The following ZBTB34 variants were observed in gnomAD, a reference collection of about 807,000 sequenced individuals.
ZBTB34 encodes the protein zinc finger and BTB domain-containing protein 34.
ZBTB34 carries 1 observed loss-of-function variant against 33.4 expected under a neutral mutation model. The ratio of observed to expected loss-of-function variants is 0.03; its 90% CI spans 0.01 to 0.14. ZBTB34 has a LOEUF of 0.14. ZBTB34 is among the 10% of genes least tolerant of loss of function. The pLI, the probability that ZBTB34 is intolerant of heterozygous loss-of-function variation, is 1.00. For synonymous variants in ZBTB34, 283 were observed against 253.5 expected (o/e 1.12, Z -1.11); for missense variants, 406 against 657.2 (o/e 0.62, Z 4.18).
exon 2 of ZBTB34, chr9:126,884,054 T>C (rs41274422): frequency 0.056 from 9,308 of 167,206 alleles, 379 homozygotes; most frequent in South Asian, 0.14. Context: ...AGGTGTTTCA[T>C]TTATAACAGA....
At chr9:126,874,814 A>C (rs1402341654) in intron 1 of ZBTB34, among the ~76,000 whole-genome samples, 1 of 151,992 alleles carries the variant, frequency 6.6e-6, no homozygotes, top group Non-Finnish European at 1.5e-5. Context: ...ACTAACCTTT[A>C]CTTGTCCTTT....
At chr9:126,872,212 A>G (rs897425264) in intron 1 of ZBTB34, among the ~76,000 whole-genome samples, 1 of 151,854 alleles carries the variant, frequency 6.6e-6, no homozygotes, top group Non-Finnish European at 1.5e-5. Context: ...CGGCCTCCCA[A>G]AGTGCTGGGA....
At position 126,879,675 on chromosome 9, in the gene ZBTB34, C is replaced by T. The variant is rs769868441; in HGVS notation, c.276C>T (p.Tyr92=). ...TTGAGCAGTTGCTTTCTTTTTGTTA[C>T]ACTGGAAGAATGTCCTTGCAGCTGA... Residue 92 remains tyrosine, a synonymous_variant, in exon 2 of 2, where the codon TAC becomes TAT. Coordinates refer to ENST00000319119, the Ensembl canonical transcript of ZBTB34. The surrounding 1 kb of genome is among the most constrained non-coding windows in gnomAD (Gnocchi z 6.4). 1 of 1,613,630 alleles carries T rather than the reference C, an allele frequency of 6.2e-7. No homozygotes were observed. The highest frequency in any genetic ancestry group is 2.2e-5 in the East Asian group (1 of 44,880).
At position 126,879,937 on chromosome 9, in the gene ZBTB34, G is replaced by T. The variant is rs756074975; in HGVS notation, c.538G>T (p.Ala180Ser). 1.9e-6 allele frequency: 3 copies of T among 1,613,174 alleles called. No individual in the cohort carries two copies. Among genetic ancestry groups the T allele is most frequent in the Non-Finnish European group, 2.5e-6 (3 of 1,179,878 alleles). The change falls in exon 2 of 2, where the codon GCA becomes TCA. Residue 180 changes from alanine to serine, a missense_variant. By Grantham distance (99) the Ala-to-Ser change is moderately conservative (BLOSUM62 1). This residue lies in a region of ZBTB34 where 137 missense variants were observed against 173.0 expected (regional missense o/e 0.79). Transcript: ENST00000319119. This position sits in a 1 kb window ranked among gnomAD's most constrained non-coding sequence, Gnocchi z 6.4. ...TTGCTCTCAGGGACGGCAGCCCACC[G>T]CAAGCAGTGACCTCCGGATGGAGAC...
In ZBTB34 at chr9:126,880,478, C is replaced by T. The variant is rs759890690; in HGVS notation, c.1079C>T (p.Pro360Leu). The stretch of plus-strand genomic sequence containing the variant: ...AACAACCCCGGGTATGAGAGCAGTC[C>T]CCGGGAGAGGAGTGCGAGAGGGCAT... The change falls in exon 2 of 2, where the codon CCC becomes CTC. Residue 360 changes from proline (P) to leucine (L), a missense_variant. By Grantham distance (98) the Pro-to-Leu change is moderately conservative. Coordinates refer to ENST00000319119, the Ensembl canonical transcript of ZBTB34. This position sits in a 1 kb window ranked among gnomAD's most constrained non-coding sequence, Gnocchi z 6.7. 6 of 1,613,732 alleles carry T rather than the reference C, an allele frequency of 3.7e-6. No homozygotes were observed. Among genetic ancestry groups the T allele is most frequent in the South Asian group, 1.1e-5 (1 of 91,070 alleles).
intron 1 of ZBTB34, among the ~76,000 whole-genome samples, chr9:126,866,301 C>T (rs996147528): frequency 7.9e-5 from 12 of 152,146 alleles, no homozygotes; most frequent in South Asian, 2.1e-4. Context: ...ACGTGGCCTC[C>T]GAGTAGACAC....
At chr9:126,871,896 C>T (rs2033284609) in intron 1 of ZBTB34, among the ~76,000 whole-genome samples, 1 of 151,884 alleles carries the variant, frequency 6.6e-6, no homozygotes, top group African/African-American at 2.4e-5. Flanking sequence ...TGGGAGGATC[C>T]CTTGAGGCCA....
chr9:126,868,822 G>A (rs2033241701), intron 1 of ZBTB34, among the ~76,000 whole-genome samples: 1 of 152,172 alleles, frequency 6.6e-6, no homozygotes, highest in African/African-American at 2.4e-5. Context: ...TTGAGCCCTA[G>A]ATCTGTGGTT....
At chr9:126,872,057 G>A (rs1221134868) in intron 1 of ZBTB34, among the ~76,000 whole-genome samples, 2 of 151,606 alleles carry the variant, frequency 1.3e-5, no homozygotes, top group Admixed American at 6.6e-5. Context: ...GGGTTCAAGC[G>A]ATACTCAGCC....
intron 1 of ZBTB34, among the ~76,000 whole-genome samples, chr9:126,866,996 C>G (rs1019945508): frequency 1.3e-5 from 2 of 152,096 alleles, no homozygotes; most frequent in Non-Finnish European, 2.9e-5. Flanking sequence ...TAGTCTACAT[C>G]TTGCTGTTTT....
intron 1 of ZBTB34, among the ~76,000 whole-genome samples, chr9:126,861,104 C>T (rs1296899437): frequency 2.0e-5 from 3 of 152,120 alleles, no homozygotes; most frequent in African/African-American, 7.2e-5. Context: ...GGGCCCCTAG[C>T]CCTGGGGGCG....
At chr9:126,884,275 A>C (rs1213457627) in exon 2 of ZBTB34, 1 of 167,024 alleles carries the variant, frequency 6.0e-6, no homozygotes, top group Non-Finnish European at 1.5e-5. Flanking sequence ...ACTTTTACTA[A>C]TGTTTGTGGT....
intron 1 of ZBTB34, among the ~76,000 whole-genome samples, chr9:126,869,744 C>G (rs1328530598): frequency 6.6e-6 from 1 of 152,148 alleles, no homozygotes; most frequent in Non-Finnish European, 1.5e-5. Flanking sequence ...TGAAATTATT[C>G]TCTTTCTTTG....
chr9:126,878,995 A>C (rs2033399911), intron 1 of ZBTB34, among the ~76,000 whole-genome samples: 1 of 152,146 alleles, frequency 6.6e-6, no homozygotes, highest in Non-Finnish European at 1.5e-5. Flanking sequence ...AAGTGCTGGG[A>C]TTATAGGTGT....
Position 126,880,272 on chromosome 9 carries a change from A to G in ZBTB34, c.873A>G (p.Gln291=). 2 of 1,613,966 alleles carry G rather than the reference A, an allele frequency of 1.2e-6. No individual in the cohort carries two copies. The highest frequency in any genetic ancestry group is 1.7e-6 in the Non-Finnish European group (2 of 1,179,902). The change falls in exon 2 of 2, where the codon CAA becomes CAG. Residue 291 remains glutamine, a synonymous_variant. Coordinates refer to ENST00000319119, the Ensembl canonical transcript of ZBTB34. This position sits in a 1 kb window ranked among gnomAD's most constrained non-coding sequence, Gnocchi z 6.7. Reference sequence around the variant, plus strand: ...TCCAGCACGCATACTCCTATTCCCAAGCAGCCTCACAGCCAACCAATGTAT... The same window carrying G: ...TCCAGCACGCATACTCCTATTCCCAGGCAGCCTCACAGCCAACCAATGTAT...
intron 1 of ZBTB34, among the ~76,000 whole-genome samples, chr9:126,873,487 C>T (rs528286860): frequency 6.6e-6 from 1 of 152,264 alleles, no homozygotes; most frequent in African/African-American, 2.4e-5. Context: ...TGGTCTCGAA[C>T]TCCTGAGCTC....
At chr9:126,861,223 C>T (rs2033139529) in intron 1 of ZBTB34, among the ~76,000 whole-genome samples, 1 of 152,214 alleles carries the variant, frequency 6.6e-6, no homozygotes, top group Non-Finnish European at 1.5e-5. Flanking sequence ...CCTCACGCCA[C>T]CGCCTTCCTC....
chr9:126,862,170 C>T (rs1452869218), intron 1 of ZBTB34, among the ~76,000 whole-genome samples: 1 of 152,080 alleles, frequency 6.6e-6, no homozygotes, highest in Non-Finnish European at 1.5e-5. Flanking sequence ...GGATGAGTAG[C>T]ATTCAGATAG....
rs1047872966 is a variant in ZBTB34 at position 126,862,688 on chromosome 9, T to G, written c.-11+1949T>G. On this transcript the variant is annotated intron_variant, in intron 1 of 1. Coordinates refer to ENST00000319119, the Ensembl canonical transcript of ZBTB34. Reference sequence around the variant, plus strand: ...TTCCTCCAGAGGGTGTTCCCTGACTTCCCTGCCCCCATGGCTTTGTGGCAC... The same window carrying G: ...TTCCTCCAGAGGGTGTTCCCTGACTGCCCTGCCCCCATGGCTTTGTGGCAC... Among the ~76,000 whole-genome samples the G allele has an allele frequency of 4.5e-4, 69 of 152,192 alleles. 1 individual carries two copies. Among genetic ancestry groups the G allele is most frequent in the African/African-American group, 1.6e-3 (68 of 41,438 alleles).
Sources: gnomAD v4.1 joint callset for allele counts (sites outside exome capture counted in the v4.1 genomes callset) on GRCh38, gnomAD v4.1.1 for gene constraint, gnomAD v4.1.1 regional missense constraint, Gnocchi (gnomAD v3.1) non-coding constraint, MANE v1.5 for transcripts, NCBI Gene and HGNC (gene_info 2026-07-23, HGNC 2026-07-21) for gene names.